ZXDC: variants seen among roughly 807,000 people sequenced by gnomAD.
ZXDC encodes ZXD family zinc finger C.
Under a neutral mutation model 63.6 loss-of-function variants are expected in ZXDC, and 58 were observed. The ratio of observed to expected loss-of-function variants is 0.91; its 90% CI spans 0.74 to 1.13. The LOEUF (loss-of-function observed/expected upper bound fraction) is 1.13. Among genes scored for constraint, ZXDC ranks in the 50% most tolerant of loss-of-function variants. The pLI is 0.00. For synonymous variants in ZXDC, 561 were observed against 496.1 expected, an observed-to-expected ratio of 1.13 and a Z score of -1.74; for missense variants, 1,133 against 1,148.9, an observed-to-expected ratio of 0.99 and a Z score of 0.20.
chr3:126,453,970 T>C, intron 7 of ZXDC: 1 of 964,794 alleles, frequency 1.0e-6, no homozygotes, highest in Non-Finnish European at 1.2e-6. Context: ...TGCCTATACA[T>C]GTATATATAT....
chr3:126,464,447 G>C (rs1934673106), intron 5 of ZXDC, among the ~76,000 whole-genome samples: 1 of 152,188 alleles, frequency 6.6e-6, no homozygotes, highest in East Asian at 1.9e-4. Context: ...CGGTAACTGG[G>C]TGTTCTCGAG....
Position 126,454,774 on chromosome 3 carries a change from C to G in ZXDC, c.2212+4879G>C, listed in dbSNP as rs953735414. On this transcript the variant is annotated intron_variant, in intron 7 of 9. Transcript: ENST00000389709. ...CCATTTATAGTTCTGAAGCTGTTCA[C>G]GTTTTTAAGCTTAACTTTGCTATTC... The G allele has an allele frequency of 3.0e-6, 3 of 985,278 alleles. No homozygotes were observed. The African/African-American group carries it at 5.2e-5, about 17-fold the overall frequency. The allele number at this position is 985,278 out of a possible 1,614,324, so 61.0% of individuals were successfully genotyped here.
chr3:126,457,179 G>C, intron 7 of ZXDC: 1 of 804,416 alleles, frequency 1.2e-6, no homozygotes, highest in Non-Finnish European at 1.5e-6. Context: ...CATCAAGTCT[G>C]CCATTCAGCT....
chr3:126,445,628 C>T (rs1933856002), intron 7 of ZXDC, among the ~76,000 whole-genome samples: 1 of 151,548 alleles, frequency 6.6e-6, no homozygotes, highest in South Asian at 2.1e-4. Context: ...AGGGGGAGAA[C>T]CTGCCACAGA....
Position 126,461,490 on chromosome 3 carries a change from A to G in ZXDC, c.2127+45T>C, listed in dbSNP as rs767038248. The G allele has an allele frequency of 2.6e-6, 4 of 1,553,978 alleles. No individual in the cohort carries two copies. The South Asian group carries it at 4.8e-5, about 19-fold the overall frequency. The stretch of plus-strand genomic sequence containing the variant: ...CAGAATATCCTCAAGACCGAGTATG[A>G]GAGAAGTGACCTATATGGTGGTGAC... On this transcript the variant is annotated intron_variant, in intron 6 of 9. Transcript: ENST00000389709.
At chr3:126,454,514 C>A in intron 7 of ZXDC, 2 of 985,400 alleles carry the variant, frequency 2.0e-6, no homozygotes, top group Non-Finnish European at 2.4e-6. Flanking sequence ...TTAATCTTAA[C>A]CTTCCCAAAT....
chr3:126,453,962 C>A, intron 7 of ZXDC: 1 of 973,828 alleles, frequency 1.0e-6, no homozygotes, highest in Non-Finnish European at 1.2e-6. Flanking sequence ...CATAGTACTG[C>A]CTATACATGT....
At chr3:126,469,430 G>T (rs779716773) in intron 4 of ZXDC, among the ~76,000 whole-genome samples, 1 of 152,092 alleles carries the variant, frequency 6.6e-6, no homozygotes. Context: ...CTGACACACT[G>T]ACATCAACTA....
intron 7 of ZXDC, chr3:126,453,806 T>C (rs1257691696): frequency 2.0e-6 from 2 of 978,254 alleles, no homozygotes; most frequent in Non-Finnish European, 2.4e-6. Flanking sequence ...GCGATTCTCC[T>C]GCCTCAGCCT....
chr3:126,457,645 T>C (rs1204890408), intron 7 of ZXDC: 2 of 985,416 alleles, frequency 2.0e-6, no homozygotes, highest in Non-Finnish European at 2.4e-6. Context: ...GATTCAAACA[T>C]CATGAACTGC....
intron 4 of ZXDC, among the ~76,000 whole-genome samples, chr3:126,468,511 C>T (rs1264628527): frequency 1.3e-5 from 2 of 152,164 alleles, no homozygotes; most frequent in African/African-American, 2.4e-5. Flanking sequence ...GCTGCCCATA[C>T]ACCACGTGGG....
intron 7 of ZXDC, among the ~76,000 whole-genome samples, chr3:126,449,320 C>T (rs1264645131): frequency 2.6e-5 from 4 of 152,210 alleles, no homozygotes; most frequent in African/African-American, 2.4e-5. Flanking sequence ...CTCGGCCTCT[C>T]GAGTACCTGG....
At chr3:126,453,992 T>TA (rs1934211134) in intron 7 of ZXDC, 2 of 892,382 alleles carry the variant, frequency 2.2e-6, no homozygotes, top group South Asian at 1.0e-4. Flanking sequence ...TGTGTACATA[T>TA]AGGCATATAT....
At chr3:126,469,229 A>C (rs1376284342) in intron 4 of ZXDC, among the ~76,000 whole-genome samples, 1 of 151,894 alleles carries the variant, frequency 6.6e-6, no homozygotes, top group African/African-American at 2.4e-5. Context: ...CTCCATTTAT[A>C]CTCTTCTTTG....
At position 126,466,250 on chromosome 3, in the gene ZXDC, G is replaced by A. The variant is rs764787409; in HGVS notation, c.1346C>T (p.Pro449Leu). The change falls in exon 5 of 10, where the codon CCG becomes CTG. Residue 449 changes from proline (P) to leucine (L), a missense_variant. Pro to Leu is a moderately conservative substitution (Grantham distance 98). Transcript: ENST00000389709. ...GGTAGAAACTGGGCAACGGCTTTTC[G>A]GAGCACCCACATCCTGCACGTGTTT... ...SKKHVQDVGAPKSRCPVSTCN... is the reference protein window; with the variant it reads ...SKKHVQDVGALKSRCPVSTCN... 22 of 1,614,060 alleles carry A rather than the reference G, an allele frequency of 1.4e-5. No individual in the cohort carries two copies. The highest frequency in any genetic ancestry group is 6.7e-5 in the East Asian group (3 of 44,898).
At chr3:126,457,940 G>C (rs1226489491) in intron 7 of ZXDC, among the ~76,000 whole-genome samples, 1 of 152,174 alleles carries the variant, frequency 6.6e-6, no homozygotes, top group African/African-American at 2.4e-5. Context: ...ACAGTGATGT[G>C]ATCATTAAGG....
At chr3:126,438,621 T>G (rs1560086248) in intron 9 of ZXDC, among the ~76,000 whole-genome samples, 160 bp from the exon 10 acceptor site, 2 of 152,048 alleles carry the variant, frequency 1.3e-5, no homozygotes, top group African/African-American at 4.8e-5. Flanking sequence ...TGTTCTTTGA[T>G]GAAAAATGAA....
intron 7 of ZXDC, chr3:126,453,474 A>G (rs1427379708): frequency 1.0e-6 from 1 of 985,348 alleles, no homozygotes; most frequent in Non-Finnish European, 1.2e-6. Context: ...TTTTGGCTAC[A>G]TCCCTTGTGT....
chr3:126,461,330 G>C, intron 6 of ZXDC: 1 of 1,371,686 alleles, frequency 7.3e-7, no homozygotes. Flanking sequence ...CCTTATGCAG[G>C]AAATAAATGA....
Sources: gnomAD v4.1 joint callset for allele counts (sites outside exome capture counted in the v4.1 genomes callset) on GRCh38, gnomAD v4.1.1 for gene constraint, MANE v1.5 for transcripts, NCBI Gene and HGNC (gene_info 2026-07-23, HGNC 2026-07-21) for gene names.